AKR1C2: variants seen among roughly 807,000 people sequenced by gnomAD.
AKR1C2 encodes the protein 3-alpha-HSD3.
Under a neutral mutation model 39.8 loss-of-function variants are expected in AKR1C2, and 27 were observed. That is an observed-to-expected ratio of 0.68 (90% CI 0.50 to 0.93). The LOEUF (loss-of-function observed/expected upper bound fraction) is 0.93, where lower values mean the gene tolerates loss of function less well. AKR1C2 is among the 40% of genes least tolerant of loss of function. The probability of loss-of-function intolerance (pLI) is 0.00; values close to 1 mark genes in which losing one functional copy is unlikely to be tolerated. For synonymous variants in AKR1C2, 114 were observed against 137.9 expected (o/e 0.83, Z 1.22); for missense variants, 263 against 365.1 (o/e 0.72, Z 2.28).
chr10:5,016,727 G>A (rs1837647376), intron 1 of AKR1C2, among the ~76,000 whole-genome samples: 1 of 152,136 alleles, frequency 6.6e-6, no homozygotes, highest in African/African-American at 2.4e-5. Context: ...TTTTGTGTGG[G>A]AGCTCAAACC....
intron 1 of AKR1C2, among the ~76,000 whole-genome samples, chr10:5,014,734 C>G (rs1242303566): frequency 6.6e-6 from 1 of 152,208 alleles, no homozygotes; most frequent in Non-Finnish European, 1.5e-5. Flanking sequence ...ATGGCATGGA[C>G]AATGTCTAAC....
rs368250574 is a variant in AKR1C2, at chr10:4,990,657, C to T, written c.930-619G>A. ...AAAATGTAAAGACACAGATAAATGA[C>T]TGCTCACATATACAGTTATAACTTG... On this transcript the variant is annotated intron_variant, in intron 8 of 8. Transcript: ENST00000380753. Among the ~76,000 whole-genome samples the T allele has an allele frequency of 1.2e-4, 18 of 152,196 alleles. No individual in the cohort carries two copies. The East Asian group carries it at 2.5e-3, about 21-fold the overall frequency.
chr10:5,001,800 T>C, intron 1 of AKR1C2, 119 bp from the exon 2 acceptor site: 1 of 1,340,124 alleles, frequency 7.5e-7, no homozygotes, highest in Non-Finnish European at 1.0e-6. Context: ...GCTCTGTATG[T>C]AGAATCATAA....
In AKR1C2 at chr10:4,988,445, A is replaced by T. The variant is rs1836732202; in HGVS notation, c.*1551T>A. On this transcript the variant is annotated 3_prime_UTR_variant, in exon 9 of 9. Coordinates refer to ENST00000380753, the MANE Select transcript of AKR1C2 (RefSeq NM_001393392.1). ...AGAAATATTTTTTGGTGGATTTCTC[A>T]GCCTAGAGGTGATATTTAATGCAGA... The T allele has an allele frequency of 6.6e-6, 1 of 152,218 alleles. No homozygotes were observed. The highest frequency in any genetic ancestry group is 2.4e-5 in the African/African-American group (1 of 41,464). The allele number at this position is 152,218 out of a possible 1,614,324, so 9.4% of individuals were successfully genotyped here.
upstream of AKR1C2, among the ~76,000 whole-genome samples, chr10:5,004,489 G>A (rs1837357270): frequency 6.6e-6 from 1 of 152,014 alleles, no homozygotes; most frequent in East Asian, 1.9e-4. Flanking sequence ...AAAATATGAT[G>A]TGGTTTTATT....
chr10:5,002,317 T>G (rs1354140324), intron 1 of AKR1C2, among the ~76,000 whole-genome samples: 3 of 152,168 alleles, frequency 2.0e-5, no homozygotes, highest in Non-Finnish European at 4.4e-5. Flanking sequence ...GAGCCACCAT[T>G]CTTATCAGTT....
chr10:4,990,087 A>G, intron 8 of AKR1C2, 49 bp from the exon 9 acceptor site: 1 of 1,608,978 alleles, frequency 6.2e-7, no homozygotes, highest in Non-Finnish European at 8.5e-7. Context: ...TGACTCCGTT[A>G]CTAGCCCGTA....
At position 5,010,694 on chromosome 10, in the gene AKR1C2, C is replaced by A. The variant is rs183748797; in HGVS notation, c.-87-6772G>T. On this transcript the variant is annotated intron_variant, in intron 1 of 6. Transcript: ENST00000604507. Reference sequence around the variant, plus strand: ...AGGGCAAGGGAATAAACATGAGTGACCTTAGCAAAGCTTTTATAGCAAAAT... The same window carrying A: ...AGGGCAAGGGAATAAACATGAGTGAACTTAGCAAAGCTTTTATAGCAAAAT... 10 of 152,282 alleles carry A rather than the reference C, an allele frequency of 6.6e-5. No homozygotes were observed. In the East Asian group the frequency reaches 1.9e-3, roughly 29 times the overall value. 9.4% of individuals were successfully genotyped at this position (152,282 alleles called of 1,614,324 possible). A position where few individuals can be genotyped will look rare whatever the true frequency, so the allele number is the denominator to read the frequency against.
intron 3 of AKR1C2, chr10:4,999,584 CT>C (rs1300671104): frequency 3.9e-6 from 1 of 257,906 alleles, no homozygotes; most frequent in African/African-American, 2.3e-5. Context: ...GGCAATACCT[CT>C]CTTCAACTGC....
Position 4,999,603 on chromosome 10 carries a change from C to G in AKR1C2, c.370-326G>C, listed in dbSNP as rs60905493. ...ATACCTCTCTTCAACTGCAAAAGAT[C>G]TTGATATCCAGATATAATGGATTGT... On this transcript the variant is annotated intron_variant, in intron 3 of 8. Coordinates refer to ENST00000380753, the MANE Select transcript of AKR1C2 (RefSeq NM_001393392.1). 319 of 226,554 alleles carry G rather than the reference C, an allele frequency of 1.4e-3. 1 individual carries two copies. The highest frequency in any genetic ancestry group is 7.2e-3 in the African/African-American group (307 of 42,716). The allele number at this position is 226,554 out of a possible 1,614,324, so 14.0% of individuals were successfully genotyped here. A position where few individuals can be genotyped will look rare whatever the true frequency, so the allele number is the denominator to read the frequency against.
At position 4,998,758 on chromosome 10, in the gene AKR1C2, G is replaced by T. The variant is rs1276842690; in HGVS notation, c.448-11C>A. ...ACACTTCTCCATGGCCTGGGAAAAA[G>T]GAATTGTGAGGTATCATTTGTGTAG... On this transcript the variant is annotated splice_polypyrimidine_tract_variant and intron_variant, in intron 4 of 8. Coordinates refer to ENST00000380753, the MANE Select transcript of AKR1C2 (RefSeq NM_001393392.1). The T allele has an allele frequency of 1.9e-6, 3 of 1,613,800 alleles. No homozygotes were observed. Among genetic ancestry groups the T allele is most frequent in the Non-Finnish European group, 2.5e-6 (3 of 1,179,940 alleles).
intron 1 of AKR1C2, among the ~76,000 whole-genome samples, chr10:5,010,861 A>C (rs1837509055): frequency 6.6e-6 from 1 of 152,156 alleles, no homozygotes; most frequent in Admixed American, 6.6e-5. Flanking sequence ...TCAAAGTCTT[A>C]ATTAAATATA....
chr10:5,003,172 C>A lies in AKR1C2; in HGVS notation c.84+580G>T, dbSNP rs145199381. Reference sequence around the variant, plus strand: ...CAAATCTGACCCATATTAACAAAGACAAAGAATTTAAACTTTCCTTGTTTG... The same window carrying A: ...CAAATCTGACCCATATTAACAAAGAAAAAGAATTTAAACTTTCCTTGTTTG... On this transcript the variant is annotated intron_variant, in intron 1 of 8. Transcript: ENST00000380753. Among the ~76,000 whole-genome samples, 299 of 150,024 alleles carry A rather than the reference C, an allele frequency of 2.0e-3. 3 individuals are homozygous for A. Among genetic ancestry groups the A allele is most frequent in the African/African-American group, 6.9e-3 (282 of 40,958 alleles).
In AKR1C2 at chr10:4,989,957, G is replaced by T. The variant is rs141200635; in HGVS notation, c.*39C>A. 3,437 of 1,533,146 alleles carry T rather than the reference G, an allele frequency of 2.2e-3. 77 individuals are homozygous for T. In the African/African-American group the frequency reaches 0.042, roughly 19 times the overall value. 95.0% of individuals were successfully genotyped at this position (1,533,146 alleles called of 1,614,324 possible). ...CCATCCTCTGTGTCACCATCCACAC[G>T]CAGGGCCTTCTGGCAGACCTCATGC... On this transcript the variant is annotated 3_prime_UTR_variant, in exon 9 of 9. Coordinates refer to ENST00000380753, the MANE Select transcript of AKR1C2 (RefSeq NM_001393392.1).
At chr10:4,990,593 G>C (rs782232759) in intron 8 of AKR1C2, among the ~76,000 whole-genome samples, 20 of 152,010 alleles carry the variant, frequency 1.3e-4, no homozygotes, top group Non-Finnish European at 2.5e-4. Flanking sequence ...TATTCAAAGA[G>C]CTACAATGCA....
chr10:5,000,679 G>C lies in AKR1C2; in HGVS notation c.253-13C>G, dbSNP rs782706686. ...AATTGCTCCAAAGCTGCAGAGGTTA[G>C]AGAAACGAAGTTGTGTAATGAAAAC... On this transcript the variant is annotated splice_polypyrimidine_tract_variant and intron_variant, in intron 2 of 8. Coordinates refer to ENST00000380753, the MANE Select transcript of AKR1C2 (RefSeq NM_001393392.1). The C allele has an allele frequency of 1.2e-6, 2 of 1,605,382 alleles. No individual in the cohort carries two copies. Among genetic ancestry groups the C allele is most frequent in the Admixed American group, 3.4e-5 (2 of 58,138 alleles).
chr10:5,017,406 A>G (rs1181202783), intron 1 of AKR1C2, among the ~76,000 whole-genome samples: 1 of 152,154 alleles, frequency 6.6e-6, no homozygotes. Context: ...AATTTCTTCC[A>G]TCAGATACCC....
At chr10:5,016,415 C>T (rs1456690802) in intron 1 of AKR1C2, among the ~76,000 whole-genome samples, 1 of 152,184 alleles carries the variant, frequency 6.6e-6, no homozygotes, top group Non-Finnish European at 1.5e-5. Flanking sequence ...CTACAGGCCC[C>T]ATAAAAGTCC....
At chr10:4,994,181 A>T (rs1554772590) in intron 7 of AKR1C2, among the ~76,000 whole-genome samples, 1 of 151,836 alleles carries the variant, frequency 6.6e-6, no homozygotes, top group Non-Finnish European at 1.5e-5. Context: ...TATCTAACTA[A>T]TTAGAAAACA....
Sources: allele counts gnomAD v4.1 joint callset (sites outside exome capture counted in the v4.1 genomes callset), GRCh38; gene constraint gnomAD v4.1.1; transcripts MANE v1.5; gene names NCBI Gene and HGNC (gene_info 2026-07-23, HGNC 2026-07-21).